Variants in NRG1 observed in about 807,000 individuals in gnomAD.
NRG1 encodes the protein pro-neuregulin-1, membrane-bound isoform.
A neutral mutation model predicts 63.8 loss-of-function variants in NRG1; 18 were observed. The ratio of observed to expected loss-of-function variants is 0.28; its 90% CI spans 0.19 to 0.42. The LOEUF (loss-of-function observed/expected upper bound fraction) is 0.42, where lower values mean the gene tolerates loss of function less well. Ranked by LOEUF, NRG1 falls within the 10% of genes least tolerant of loss-of-function variation. NRG1 has a pLI of 1.00. For missense variants in NRG1, 762 were observed against 814.7 expected, an observed-to-expected ratio of 0.94 and a Z score of 0.79; for synonymous variants, 302 against 301.3, an observed-to-expected ratio of 1.00 and a Z score of -0.02.
intron 1 of NRG1, among the ~76,000 whole-genome samples, chr8:32,300,099 C>T (rs1005536357): frequency 1.3e-5 from 2 of 152,084 alleles, no homozygotes; most frequent in African/African-American, 4.8e-5. Flanking sequence ...TGTTCTCCCC[C>T]ACACCTTCTC....
At chr8:32,132,596 T>C (rs1834976576) in intron 1 of NRG1, among the ~76,000 whole-genome samples, 1 of 152,124 alleles carries the variant, frequency 6.6e-6, no homozygotes. Context: ...TGCTAAGTCC[T>C]GTCTTGATTC....
At chr8:31,915,121 G>T (rs956134086) in intron 1 of NRG1, among the ~76,000 whole-genome samples, 1 of 151,686 alleles carries the variant, frequency 6.6e-6, no homozygotes, top group Non-Finnish European at 1.5e-5. Context: ...GACAGTATTG[G>T]ATATTTCATA....
intron 1 of NRG1, among the ~76,000 whole-genome samples, chr8:32,062,867 C>T (rs1262596940): frequency 6.6e-6 from 1 of 151,948 alleles, no homozygotes; most frequent in Non-Finnish European, 1.5e-5. Flanking sequence ...TGGTAACCCA[C>T]AGGGGTTGAA....
At chr8:31,792,328 T>C (rs1244392978) in intron 1 of NRG1, among the ~76,000 whole-genome samples, 1 of 152,230 alleles carries the variant, frequency 6.6e-6, no homozygotes, top group Non-Finnish European at 1.5e-5. Context: ...TGTTATTTTC[T>C]AGTCCAGGCT....
chr8:32,738,730 G>A (rs1414986158), intron 6 of NRG1, among the ~76,000 whole-genome samples: 1 of 152,162 alleles, frequency 6.6e-6, no homozygotes, highest in Non-Finnish European at 1.5e-5. Flanking sequence ...TCATTTGCAT[G>A]TGCTTTCTCT....
intron 1 of NRG1, among the ~76,000 whole-genome samples, chr8:32,239,934 T>C (rs1268006719): frequency 2.0e-5 from 3 of 152,152 alleles, no homozygotes; most frequent in Non-Finnish European, 4.4e-5. Flanking sequence ...GTGGAGAAAC[T>C]GGATCACTCA....
intron 1 of NRG1, among the ~76,000 whole-genome samples, chr8:32,305,507 C>T (rs1856086074): frequency 6.6e-6 from 1 of 152,138 alleles, no homozygotes; most frequent in African/African-American, 2.4e-5. Flanking sequence ...GAGTTTCAAA[C>T]TCATTTAAAG....
chr8:32,431,397 C>T (rs558505311), intron 1 of NRG1, among the ~76,000 whole-genome samples: 2 of 152,138 alleles, frequency 1.3e-5, no homozygotes, highest in Non-Finnish European at 2.9e-5. Context: ...GGAAGCCACA[C>T]GTCCTGGTCC....
intron 1 of NRG1, among the ~76,000 whole-genome samples, chr8:32,161,745 A>G (rs891925426): frequency 1.3e-5 from 2 of 152,172 alleles, no homozygotes; most frequent in African/African-American, 4.8e-5. Context: ...TTCTCTTCCT[A>G]TACTGTTCCA....
At chr8:31,854,344 A>G (rs886427837) in intron 1 of NRG1, among the ~76,000 whole-genome samples, 4 of 151,996 alleles carry the variant, frequency 2.6e-5, no homozygotes, top group Non-Finnish European at 4.4e-5. Flanking sequence ...GTCTTGGGAG[A>G]GTGTATGTGT....
intron 1 of NRG1, among the ~76,000 whole-genome samples, chr8:31,894,375 A>G (rs1210485469): frequency 1.3e-5 from 2 of 152,168 alleles, no homozygotes; most frequent in African/African-American, 2.4e-5. Flanking sequence ...CTATGCAGGC[A>G]TTATAATTAT....
In NRG1 at chr8:31,904,531, T is replaced by C. The variant is rs545658630; in HGVS notation, c.37+265100T>C. ...CCTGGCAATCCTATTATTAGGTATA[T>C]ACCCAAAGGAGTATAAATCATTCTA... On this transcript the variant is annotated intron_variant, in intron 1 of 10. Coordinates refer to the NRG1 transcript ENST00000519301. 4.6e-5 allele frequency among the ~76,000 whole-genome samples: 7 copies of C among 152,342 alleles called. 1 individual carries two copies. The South Asian group carries it at 1.4e-3, about 32-fold the overall frequency.
At chr8:32,419,682 CAT>C (rs1159813611) in intron 1 of NRG1, among the ~76,000 whole-genome samples, 12 of 152,274 alleles carry the variant, frequency 7.9e-5, no homozygotes, top group Non-Finnish European at 1.3e-4. Context: ...ATACATGTCA[CAT>C]GTTTCTTTTG....
intron 1 of NRG1, among the ~76,000 whole-genome samples, chr8:32,150,252 A>AAT (rs1837357420): frequency 1.3e-5 from 2 of 152,242 alleles, no homozygotes; most frequent in African/African-American, 2.4e-5. Context: ...TTAGTGGAAA[A>AAT]TACACATTGT....
chr8:32,467,868 G>C (rs1823271668), intron 1 of NRG1, among the ~76,000 whole-genome samples: 1 of 152,112 alleles, frequency 6.6e-6, no homozygotes, highest in Admixed American at 6.5e-5. Context: ...CAGCTTTTCA[G>C]GACTGTTGAT....
At chr8:31,918,350 G>T (rs1274738392) in intron 1 of NRG1, among the ~76,000 whole-genome samples, 1 of 152,134 alleles carries the variant, frequency 6.6e-6, no homozygotes, top group African/African-American at 2.4e-5. Context: ...GTCATAGATA[G>T]CTCTTATTAT....
intron 5 of NRG1, among the ~76,000 whole-genome samples, chr8:32,706,252 T>G (rs559114734): frequency 6.6e-6 from 1 of 152,324 alleles, no homozygotes; most frequent in Admixed American, 6.5e-5. Context: ...CGGAGGATTT[T>G]CAAATGTTAA....
chr8:32,652,912 G>T (rs1322395162), intron 5 of NRG1, among the ~76,000 whole-genome samples: 1 of 152,144 alleles, frequency 6.6e-6, no homozygotes, highest in Non-Finnish European at 1.5e-5. Context: ...TATGAAGGAA[G>T]AGGTATTTTA....
At chr8:32,129,734 C>T (rs902453405) in intron 1 of NRG1, among the ~76,000 whole-genome samples, 6 of 151,810 alleles carry the variant, frequency 4.0e-5, no homozygotes, top group South Asian at 2.1e-4. Context: ...AAAGCTGTGT[C>T]GATCTAATCA....
Sources: allele counts gnomAD v4.1 joint callset (sites outside exome capture counted in the v4.1 genomes callset), GRCh38; gene constraint gnomAD v4.1.1; transcripts MANE v1.5; gene names NCBI Gene and HGNC (gene_info 2026-07-23, HGNC 2026-07-21).